The following SPINK9 variants were observed in gnomAD, a reference collection of about 807,000 sequenced individuals.
SPINK9 encodes the protein serine protease inhibitor Kazal-type 9.
Under a neutral mutation model 10.8 loss-of-function variants are expected in SPINK9, and 3 were observed. That is an observed-to-expected ratio of 0.28 (90% CI 0.13 to 0.72). The LOEUF (loss-of-function observed/expected upper bound fraction) is 0.72. Among genes scored for constraint, SPINK9 ranks in the 30% least tolerant of loss-of-function variants. SPINK9 has a pLI of 0.74. For synonymous variants in SPINK9, 30 were observed against 31.2 expected (o/e 0.96, Z 0.12); for missense variants, 101 against 103.2 (o/e 0.98, Z 0.09).
upstream of SPINK9, chr5:148,335,438 T>C (rs1250041377): frequency 9.3e-6 from 5 of 534,882 alleles, no homozygotes; most frequent in Non-Finnish European, 1.7e-5. Context: ...AAGAAAAGAA[T>C]CCCCATGGCT....
chr5:148,333,579 G>C (rs533440638), upstream of SPINK9, among the ~76,000 whole-genome samples: 8 of 152,322 alleles, frequency 5.3e-5, no homozygotes, highest in South Asian at 4.1e-4. Flanking sequence ...GGGGTTGTCA[G>C]GTCATTGCCA....
At chr5:148,323,926 T>A (rs978815966) in intron 2 of SPINK9, 2 of 659,474 alleles carry the variant, frequency 3.0e-6, no homozygotes, top group Middle Eastern at 2.4e-4. Context: ...TCCTTACTTA[T>A]AAAATAAAGA....
upstream of SPINK9, among the ~76,000 whole-genome samples, chr5:148,331,000 A>G (rs192646571): frequency 2.0e-4 from 30 of 152,072 alleles, no homozygotes; most frequent in African/African-American, 6.5e-4. Context: ...CCTTTCTTTG[A>G]CTAGGAAAGG....
At chr5:148,328,681 A>G (rs1450714716) in intron 2 of SPINK9, among the ~76,000 whole-genome samples, 2 of 152,166 alleles carry the variant, frequency 1.3e-5, no homozygotes, top group Non-Finnish European at 1.5e-5. Flanking sequence ...CGTCCCATCA[A>G]TACCTAATTT....
intron 2 of SPINK9, among the ~76,000 whole-genome samples, chr5:148,330,074 C>T (rs1000834990): frequency 1.3e-5 from 2 of 152,088 alleles, no homozygotes; most frequent in African/African-American, 4.8e-5. Context: ...AACTTTCTGT[C>T]TCGTTGATCT....
rs781443628 is a variant in SPINK9 at position 148,323,800 on chromosome 5, C to G, written c.50C>G (p.Pro17Arg). 4 of 701,122 alleles carry G rather than the reference C, an allele frequency of 5.7e-6. No individual in the cohort carries two copies. The South Asian group carries it at 5.9e-5, about 10-fold the overall frequency. 43.4% of individuals were successfully genotyped at this position (701,122 alleles called of 1,614,324 possible). A position where few individuals can be genotyped will look rare whatever the true frequency, so the allele number is the denominator to read the frequency against. Reference sequence around the variant, plus strand: ...CATTGTTTTCATTATAAAACTCCACCAAGCAGCTCAGGAGAACACAATGAA... The same window carrying G: ...CATTGTTTTCATTATAAAACTCCACGAAGCAGCTCAGGAGAACACAATGAA... The change falls in exon 2 of 5, where the codon CCA becomes CGA. Residue 17 changes from proline (P) to arginine (R), a missense_variant. Pro to Arg is a moderately radical substitution (Grantham distance 103, BLOSUM62 -2). Transcript: ENST00000511717.
chr5:148,338,639 A>T lies in SPINK9; in HGVS notation c.215+34A>T, dbSNP rs754082280. 4.1e-6 allele frequency: 6 copies of T among 1,474,386 alleles called. No homozygotes were observed. The East Asian group carries it at 1.5e-4, about 36-fold the overall frequency. The allele number at this position is 1,474,386 out of a possible 1,614,324, so 91.3% of individuals were successfully genotyped here. On this transcript the variant is annotated intron_variant, in intron 3 of 3. Transcript: ENST00000377906. The stretch of plus-strand genomic sequence containing the variant: ...TAAAATGTTTTCTTTTTCATATTTA[A>T]GGTAAAAGTATATATTAAGACAAAT...
intron 2 of SPINK9, among the ~76,000 whole-genome samples, chr5:148,338,218 CAG>C (rs1011813986): frequency 6.6e-6 from 1 of 151,958 alleles, no homozygotes; most frequent in African/African-American, 2.4e-5. Flanking sequence ...ATACATCAAC[CAG>C]TATTGTGAGA....
In SPINK9 at chr5:148,339,715, C is replaced by T. The variant is rs774669901; in HGVS notation, c.*3C>T. The T allele has an allele frequency of 6.2e-7, 1 of 1,610,782 alleles. No homozygotes were observed. The highest frequency in any genetic ancestry group is 1.1e-5 in the South Asian group (1 of 91,000). ...TTGTACATTTTGGAAAATGTTAAAT[C>T]TATCTTGTGAGTCCAAAATATCTTT... On this transcript the variant is annotated 3_prime_UTR_variant, in exon 4 of 4. Coordinates refer to ENST00000377906, the MANE Select transcript of SPINK9 (RefSeq NM_001040433.2).
At chr5:148,321,747 C>G (rs970275068) in intron 1 of SPINK9, among the ~76,000 whole-genome samples, 3 of 152,148 alleles carry the variant, frequency 2.0e-5, no homozygotes, top group Non-Finnish European at 4.4e-5. Context: ...ATCAATGAAG[C>G]TGAGATCTCC....
chr5:148,329,977 T>C (rs866241797), intron 2 of SPINK9, among the ~76,000 whole-genome samples: 3 of 152,234 alleles, frequency 2.0e-5, no homozygotes, highest in Non-Finnish European at 4.4e-5. Context: ...AGAATGTATA[T>C]TCTGTTGATT....
chr5:148,337,403 GATGA>G (rs1393502725), intron 2 of SPINK9, among the ~76,000 whole-genome samples: 1 of 152,166 alleles, frequency 6.6e-6, no homozygotes, highest in African/African-American at 2.4e-5. Context: ...TATGGAAGCT[GATGA>G]ATGAATGAAT....
upstream of SPINK9, among the ~76,000 whole-genome samples, chr5:148,333,332 C>T (rs1216598258): frequency 6.6e-6 from 1 of 152,166 alleles, no homozygotes; most frequent in African/African-American, 2.4e-5. Flanking sequence ...TGGTTTCGTG[C>T]AGGAAAGAAT....
chr5:148,330,371 C>T (rs140557497), intron 2 of SPINK9, among the ~76,000 whole-genome samples: 3,530 of 152,220 alleles, frequency 0.023, 151 homozygotes, highest in East Asian at 0.17. Context: ...GATCTTCCTC[C>T]ATCCCTTTAT....
At chr5:148,334,991 T>A (rs1395236985), upstream of SPINK9, among the ~76,000 whole-genome samples, 1 of 152,150 alleles carries the variant, frequency 6.6e-6, no homozygotes, top group Admixed American at 6.5e-5. Flanking sequence ...TGTCCCCAGA[T>A]CATACCAGAA....
chr5:148,327,167 G>T (rs6580543), intron 2 of SPINK9, among the ~76,000 whole-genome samples: 56,298 of 151,912 alleles, frequency 0.37, 11,744 homozygotes, highest in East Asian at 0.58. Flanking sequence ...ATCCTCTCCA[G>T]CACCTGTTGT....
chr5:148,325,318 T>A (rs1444047730), intron 2 of SPINK9, among the ~76,000 whole-genome samples: 1 of 152,118 alleles, frequency 6.6e-6, no homozygotes, highest in African/African-American at 2.4e-5. Context: ...ATTCTATGTT[T>A]AACTTTTTGA....
intron 3 of SPINK9, 92 bp from the exon 4 acceptor site, chr5:148,339,575 A>G: frequency 9.1e-7 from 1 of 1,102,060 alleles, no homozygotes. Context: ...GGAAACTTGA[A>G]TACATTTTTG....
chr5:148,333,820 T>C (rs765892151), upstream of SPINK9, among the ~76,000 whole-genome samples: 24 of 152,214 alleles, frequency 1.6e-4, no homozygotes, highest in Non-Finnish European at 2.6e-4. Flanking sequence ...ACTTCATTCA[T>C]TTTTAAATTC....
Sources: allele counts gnomAD v4.1 joint callset (sites outside exome capture counted in the v4.1 genomes callset), GRCh38; gene constraint gnomAD v4.1.1; transcripts MANE v1.5; gene names NCBI Gene and HGNC (gene_info 2026-07-23, HGNC 2026-07-21).